IGSF3: variants seen among roughly 807,000 people sequenced by gnomAD.
The protein encoded by IGSF3 is glu-Trp-Ile EWI motif-containing protein 3.
Under a neutral mutation model 114.4 loss-of-function variants are expected in IGSF3, and 23 were observed. The observed-to-expected ratio is 0.20, with a 90% CI of 0.14 to 0.28. The LOEUF (loss-of-function observed/expected upper bound fraction) is 0.28. Among genes scored for constraint, IGSF3 ranks in the 10% least tolerant of loss-of-function variants. The pLI is 1.00. For missense variants in IGSF3, 1,172 were observed against 1,591.5 expected, an observed-to-expected ratio of 0.74 and a Z score of 4.48; for synonymous variants, 571 against 645.2, an observed-to-expected ratio of 0.88 and a Z score of 1.74.
In IGSF3 at chr1:116,661,157, G is replaced by C; in HGVS notation, c.43+5127C>G. Among the ~76,000 whole-genome samples the C allele has an allele frequency of 6.6e-6, 1 of 152,168 alleles. No homozygotes were observed. The highest frequency in any genetic ancestry group is 6.5e-5 in the Admixed American group (1 of 15,270). ...AATACAAAAAAATTAGCCGGGTGTGGTGGTGTGTGCCTGTAATCCCAGCTA... is the reference window on the plus strand; with the variant it reads ...AATACAAAAAAATTAGCCGGGTGTGCTGGTGTGTGCCTGTAATCCCAGCTA... On this transcript the variant is annotated intron_variant, in intron 2 of 10. Coordinates refer to ENST00000369486, the MANE Select transcript of IGSF3 (RefSeq NM_001007237.3). The surrounding 1 kb of genome is among the most constrained non-coding windows in gnomAD (Gnocchi z 4.0).
intron 8 of IGSF3, among the ~76,000 whole-genome samples, chr1:116,586,383 G>A (rs1257641120): frequency 6.6e-6 from 1 of 151,682 alleles, no homozygotes; most frequent in Non-Finnish European, 1.5e-5. Flanking sequence ...TTTTTGGGGG[G>A]GATTTTTGTG....
In IGSF3 at chr1:116,667,598, G is replaced by GCGCCCC. The variant is rs1483073327; in HGVS notation, c.-631+14_-631+19dup. 3 of 141,224 alleles carry GCGCCCC rather than the reference G, an allele frequency of 2.1e-5. No individual in the cohort carries two copies. Among genetic ancestry groups the GCGCCCC allele is most frequent in the African/African-American group, 7.8e-5 (3 of 38,614 alleles). 8.7% of individuals were successfully genotyped at this position (141,224 alleles called of 1,614,324 possible). On this transcript the variant is annotated intron_variant, in intron 1 of 10. Transcript: ENST00000369486. The stretch of plus-strand genomic sequence containing the variant: ...CCGGGGCCCCCTCCGGGCGCCGCCC[G>GCGCCCC]CGCCCCCGCCGAGCCTGACCTCGCC...
At chr1:116,645,605 A>G (rs1648331784) in intron 2 of IGSF3, among the ~76,000 whole-genome samples, 1 of 152,210 alleles carries the variant, frequency 6.6e-6, no homozygotes, top group South Asian at 2.1e-4. Flanking sequence ...GAGAAATCAC[A>G]TAAGCTTACT....
In IGSF3 at chr1:116,577,057, TACATTACTAAAA is replaced by T; in HGVS notation, c.*243_*254del. ...AGATGTGGCACCTGGAGCTACTCAC[TACATTACTAAAA>T]ACAGAAACAAGAAATCTATAATGGC... On this transcript the variant is annotated 3_prime_UTR_variant, in exon 11 of 11. Transcript: ENST00000369486. The surrounding 1 kb of genome is among the most constrained non-coding windows in gnomAD (Gnocchi z 5.7). 1 of 489,812 alleles carries T rather than the reference TACATTACTAAAA, an allele frequency of 2.0e-6. No individual in the cohort carries two copies. Among genetic ancestry groups the T allele is most frequent in the Non-Finnish European group, 3.7e-6 (1 of 271,902 alleles). 30.3% of individuals were successfully genotyped at this position (489,812 alleles called of 1,614,324 possible).
At position 116,605,100 on chromosome 1, in the gene IGSF3, G is replaced by A. The variant is rs1205152177; in HGVS notation, c.1223-1075C>T. ...TATTTTGTATAATTATCTATATTGAGTTCAGAAGGTCTGTAAGTATTAAAG... is the reference window on the plus strand; with the variant it reads ...TATTTTGTATAATTATCTATATTGAATTCAGAAGGTCTGTAAGTATTAAAG... On this transcript the variant is annotated intron_variant, in intron 5 of 10. Coordinates refer to ENST00000369486, the MANE Select transcript of IGSF3 (RefSeq NM_001007237.3). The surrounding 1 kb of genome is among the most constrained non-coding windows in gnomAD (Gnocchi z 5.1). Among the ~76,000 whole-genome samples the A allele has an allele frequency of 1.6e-4, 24 of 151,890 alleles. No individual in the cohort carries two copies. The highest frequency in any genetic ancestry group is 1.5e-3 in the Admixed American group (23 of 15,254).
At position 116,589,113 on chromosome 1, in the gene IGSF3, G is replaced by T; in HGVS notation, c.2030-9C>A. 2 of 1,607,914 alleles carry T rather than the reference G, an allele frequency of 1.2e-6. No individual in the cohort carries two copies. The highest frequency in any genetic ancestry group is 1.7e-6 in the Non-Finnish European group (2 of 1,176,036). ...CACCTGCAGCTTTGTCACTGCAAAGGAAAGGGGAACACAGGAATCACCACA... is the reference window on the plus strand; with the variant it reads ...CACCTGCAGCTTTGTCACTGCAAAGTAAAGGGGAACACAGGAATCACCACA... On this transcript the variant is annotated splice_polypyrimidine_tract_variant and intron_variant, in intron 7 of 10. Coordinates refer to ENST00000369486, the MANE Select transcript of IGSF3 (RefSeq NM_001007237.3). This position sits in a 1 kb window ranked among gnomAD's most constrained non-coding sequence, Gnocchi z 5.7.
intron 7 of IGSF3, 36 bp downstream of exon 7, chr1:116,599,905 G>C: frequency 3.8e-6 from 6 of 1,580,588 alleles, no homozygotes; most frequent in Non-Finnish European, 5.2e-6. Context: ...TGCTCAGGCA[G>C]CATGGGCACA....
chr1:116,597,224 G>C (rs946637475), intron 7 of IGSF3, among the ~76,000 whole-genome samples: 1 of 152,132 alleles, frequency 6.6e-6, no homozygotes, highest in African/African-American at 2.4e-5. Context: ...TTCCTCCCAG[G>C]GTTGCAGTGA....
At position 116,649,753 on chromosome 1, in the gene IGSF3, C is replaced by T. The variant is rs149608636; in HGVS notation, c.43+16531G>A. ...CTTCTTCCCAAGGCCCACTTTCATT[C>T]CTTTCTCCCCTGTTCATAAGCCTGT... On this transcript the variant is annotated intron_variant, in intron 2 of 10. Coordinates refer to ENST00000369486, the MANE Select transcript of IGSF3 (RefSeq NM_001007237.3). This position sits in a 1 kb window ranked among gnomAD's most constrained non-coding sequence, Gnocchi z 4.5. Among the ~76,000 whole-genome samples the T allele has an allele frequency of 2.5e-3, 374 of 152,322 alleles. 3 individuals carry two copies. Among genetic ancestry groups the T allele is most frequent in the African/African-American group, 8.6e-3 (357 of 41,568 alleles).
rs36060855 is a variant in IGSF3, at chr1:116,657,907, AT to A, written c.43+8376del. Among the ~76,000 whole-genome samples, 5 of 151,734 alleles carry A rather than the reference AT, an allele frequency of 3.3e-5. No homozygotes were observed. The highest frequency in any genetic ancestry group is 1.9e-4 in the East Asian group (1 of 5,172). ...AGAAAGAACACACAACTGGTATCAG[AT>A]TTTTTTTTCTGTTTTAATAAAGAGA... On this transcript the variant is annotated intron_variant, in intron 2 of 10. Transcript: ENST00000369486. This position sits in a 1 kb window ranked among gnomAD's most constrained non-coding sequence, Gnocchi z 4.2.
In IGSF3 at chr1:116,605,342, C is replaced by A. The variant is rs886339690; in HGVS notation, c.1223-1317G>T. Among the ~76,000 whole-genome samples, 1 of 151,950 alleles carries A rather than the reference C, an allele frequency of 6.6e-6. No individual in the cohort carries two copies. The highest frequency in any genetic ancestry group is 2.4e-5 in the African/African-American group (1 of 41,338). On this transcript the variant is annotated intron_variant, in intron 5 of 10. Coordinates refer to ENST00000369486, the MANE Select transcript of IGSF3 (RefSeq NM_001007237.3). The surrounding 1 kb of genome is among the most constrained non-coding windows in gnomAD (Gnocchi z 5.1). ...GCAGAAACAAAGACGAGCACTGAGC[C>A]TCCACATGTAGCTCTTATTATAGTG...
chr1:116,667,279 T>G (rs1649374333), intron 1 of IGSF3, among the ~76,000 whole-genome samples: 1 of 152,028 alleles, frequency 6.6e-6, no homozygotes, highest in Non-Finnish European at 1.5e-5. Context: ...GGCTCCGCGG[T>G]GGGGCCGCGA....
intron 2 of IGSF3, among the ~76,000 whole-genome samples, chr1:116,659,356 C>G (rs887053448): frequency 4.6e-5 from 7 of 152,142 alleles, no homozygotes; most frequent in African/African-American, 1.7e-4. Flanking sequence ...TGCCTGCCAC[C>G]ATGGCCCACA....
In IGSF3 at chr1:116,608,528, C is replaced by T. The variant is rs552735285; in HGVS notation, c.833-197G>A. ...GGTCCAGAGAAACGCCTGAATATCA[C>T]AGAGAGAATTCAAAACTACTTCAGC... On this transcript the variant is annotated intron_variant, in intron 4 of 10. Coordinates refer to ENST00000369486, the MANE Select transcript of IGSF3 (RefSeq NM_001007237.3). 2.0e-5 allele frequency among the ~76,000 whole-genome samples: 3 copies of T among 152,268 alleles called. No individual in the cohort carries two copies. In the East Asian group the frequency reaches 5.8e-4, roughly 29 times the overall value.
chr1:116,585,815 G>A lies in IGSF3; in HGVS notation c.2441-763C>T, dbSNP rs752131318. On this transcript the variant is annotated intron_variant, in intron 8 of 10. Coordinates refer to ENST00000369486, the MANE Select transcript of IGSF3 (RefSeq NM_001007237.3). The surrounding 1 kb of genome is among the most constrained non-coding windows in gnomAD (Gnocchi z 4.9). Reference sequence around the variant, plus strand: ...TGTGCGCCTGTAATCCCAGCTACTCGGGAGGTGAAGGTTGCAGTGAGCTAA... The same window carrying A: ...TGTGCGCCTGTAATCCCAGCTACTCAGGAGGTGAAGGTTGCAGTGAGCTAA... Among the ~76,000 whole-genome samples the A allele has an allele frequency of 1.3e-4, 20 of 152,126 alleles. No homozygotes were observed. Among genetic ancestry groups the A allele is most frequent in the Non-Finnish European group, 2.8e-4 (19 of 68,018 alleles).
chr1:116,648,663 TGA>T lies in IGSF3; in HGVS notation c.43+17619_43+17620del, dbSNP rs1648505369. 6.6e-6 allele frequency among the ~76,000 whole-genome samples: 1 copy of T among 152,210 alleles called. No homozygotes were observed. On this transcript the variant is annotated intron_variant, in intron 2 of 10. Coordinates refer to ENST00000369486, the MANE Select transcript of IGSF3 (RefSeq NM_001007237.3). The surrounding 1 kb of genome is among the most constrained non-coding windows in gnomAD (Gnocchi z 4.7). ...CAGAAAAGGCACATTTTGACTCTTC[TGA>T]GAGTGGGAAAGATTTGAAAGATGGG...
In IGSF3 at chr1:116,638,376, C is replaced by G. The variant is rs1647929330; in HGVS notation, c.44-21919G>C. Among the ~76,000 whole-genome samples the G allele has an allele frequency of 6.6e-6, 1 of 152,212 alleles. No homozygotes were observed. The highest frequency in any genetic ancestry group is 2.4e-5 in the African/African-American group (1 of 41,458). On this transcript the variant is annotated intron_variant, in intron 2 of 10. Transcript: ENST00000369486. The surrounding 1 kb of genome is among the most constrained non-coding windows in gnomAD (Gnocchi z 4.1). ...TACTCTTTTCCCTACTCTTGCCAGT[C>G]CACTCAGTAAACTACTGCCATACAG... is the stretch of plus-strand genomic sequence containing the variant.
chr1:116,591,582 GA>G (rs1660113459), intron 7 of IGSF3, among the ~76,000 whole-genome samples: 1 of 152,316 alleles, frequency 6.6e-6, no homozygotes, highest in Middle Eastern at 3.4e-3. Context: ...AAAATATTGT[GA>G]AGTGTTGAGA....
rs1648570413 is a variant in IGSF3 at position 116,650,170 on chromosome 1, G to A, written c.43+16114C>T. 6.6e-6 allele frequency among the ~76,000 whole-genome samples: 1 copy of A among 152,182 alleles called. No homozygotes were observed. Among genetic ancestry groups the A allele is most frequent in the African/African-American group, 2.4e-5 (1 of 41,440 alleles). On this transcript the variant is annotated intron_variant, in intron 2 of 10. Transcript: ENST00000369486. The surrounding 1 kb of genome is among the most constrained non-coding windows in gnomAD (Gnocchi z 5.0). ...TCCTTTGAGGGAGTGTCTAACATAG[G>A]TTAGACACTATAAGTAGTAGAAAAT... is the stretch of plus-strand genomic sequence containing the variant.
Sources: gnomAD v4.1 joint callset for allele counts (sites outside exome capture counted in the v4.1 genomes callset) on GRCh38, gnomAD v4.1.1 for gene constraint, Gnocchi (gnomAD v3.1) non-coding constraint, MANE v1.5 for transcripts, NCBI Gene and HGNC (gene_info 2026-07-23, HGNC 2026-07-21) for gene names.